The following SEC61B variants were observed in gnomAD, a reference collection of about 807,000 sequenced individuals.
SEC61B encodes SEC61 translocon subunit beta.
SEC61B carries 7 observed loss-of-function variants against 12.6 expected under a neutral mutation model. The observed-to-expected ratio is 0.55, with a 90% CI of 0.32 to 1.04. The LOEUF is 1.04. Ranked by LOEUF, SEC61B falls within the 50% of genes least tolerant of loss-of-function variation. The probability of loss-of-function intolerance (pLI) is 0.05; values close to 1 mark genes in which losing one functional copy is unlikely to be tolerated. For synonymous variants in SEC61B, 54 were observed against 50.1 expected (o/e 1.08, Z -0.33); for missense variants, 107 against 130.1 (o/e 0.82, Z 0.86).
intron 2 of SEC61B, chr9:99,222,978 T>C: frequency 4.5e-6 from 1 of 224,604 alleles, no homozygotes. Context: ...CAATCTGTCC[T>C]ACAGATAACT....
At position 99,227,918 on chromosome 9, in the gene SEC61B, A is replaced by G; in HGVS notation, c.121A>G (p.Thr41Ala). The part of the protein sequence containing the change: ...VRQRKNASCG[T>A]RSAGRTTSAG... ...TTTCAGGAAAAATGCCAGCTGTGGG[A>G]CAAGGAGTGCAGGCCGCACAACCTC... The change falls in exon 3 of 4, where the codon ACA becomes GCA. Residue 41 changes from threonine (T) to alanine (A), a missense_variant. Thr to Ala is a moderately conservative substitution (Grantham distance 58). Coordinates refer to ENST00000223641, the MANE Select transcript of SEC61B (RefSeq NM_006808.3). 1 of 1,614,102 alleles carries G rather than the reference A, an allele frequency of 6.2e-7. No individual in the cohort carries two copies. Among genetic ancestry groups the G allele is most frequent in the Non-Finnish European group, 8.5e-7 (1 of 1,179,996 alleles).
chr9:99,226,665 C>T (rs1417553669), intron 2 of SEC61B, among the ~76,000 whole-genome samples: 1 of 152,166 alleles, frequency 6.6e-6, no homozygotes. Flanking sequence ...ACCACTCCAA[C>T]ATGGGGCACG....
intron 3 of SEC61B, among the ~76,000 whole-genome samples, 174 bp from the exon 4 acceptor site, chr9:99,230,163 A>T (rs1318117703): frequency 6.6e-6 from 1 of 152,250 alleles, no homozygotes; most frequent in Non-Finnish European, 1.5e-5. Context: ...CACCTTCAAA[A>T]GTATCCACAA....
At chr9:99,227,719 G>A (rs1484040221) in intron 2 of SEC61B, among the ~76,000 whole-genome samples, 180 bp from the exon 3 acceptor site, 1 of 152,138 alleles carries the variant, frequency 6.6e-6, no homozygotes, top group East Asian at 1.9e-4. Flanking sequence ...GCATCAGGTA[G>A]GCACTTAGTT....
intron 2 of SEC61B, among the ~76,000 whole-genome samples, chr9:99,227,396 A>G (rs547583942): frequency 2.6e-5 from 4 of 152,260 alleles, no homozygotes; most frequent in Admixed American, 1.3e-4. Context: ...TTTGCAGTAA[A>G]TATACTAATT....
chr9:99,223,774 T>C (rs1362848881), intron 2 of SEC61B, among the ~76,000 whole-genome samples: 2 of 152,228 alleles, frequency 1.3e-5, no homozygotes, highest in Non-Finnish European at 2.9e-5. Context: ...ACTTTCTCCC[T>C]CATCTCAAGG....
At chr9:99,222,908 T>G (rs1828847821) in intron 2 of SEC61B, 2 of 381,924 alleles carry the variant, frequency 5.2e-6, no homozygotes, top group Non-Finnish European at 9.4e-6. Context: ...CCGATGTCAT[T>G]AAACTGGTGT....
At chr9:99,222,831 T>TA in intron 2 of SEC61B, 188 bp downstream of exon 2, 1 of 524,470 alleles carries the variant, frequency 1.9e-6, no homozygotes. Flanking sequence ...TTGCTCAGTT[T>TA]AGGGCACTAC....
intron 3 of SEC61B, among the ~76,000 whole-genome samples, chr9:99,228,849 G>A (rs1828928771): frequency 6.6e-6 from 1 of 152,178 alleles, no homozygotes; most frequent in African/African-American, 2.4e-5. Context: ...GTTCAAAGAG[G>A]CAAAGTGACA....
At chr9:99,223,671 C>T (rs573609406) in intron 2 of SEC61B, among the ~76,000 whole-genome samples, 2 of 152,322 alleles carry the variant, frequency 1.3e-5, no homozygotes, top group South Asian at 2.1e-4. Flanking sequence ...GAATTACAGG[C>T]GTGAGCCACT....
intron 2 of SEC61B, 200 bp downstream of exon 2, chr9:99,222,843 C>G (rs1243578188): frequency 8.2e-6 from 4 of 487,594 alleles, no homozygotes; most frequent in Admixed American, 3.9e-5. Flanking sequence ...GGGCACTACT[C>G]TTAAAAAAGG....
chr9:99,222,550 G>A lies in SEC61B; in HGVS notation c.8G>A (p.Gly3Asp), dbSNP rs549774457. The change falls in exon 2 of 4, where the codon GGT becomes GAT. Residue 3 changes from glycine to aspartate, a missense_variant. By Grantham distance (94) the Gly-to-Asp change is moderately conservative. Coordinates refer to ENST00000223641, the MANE Select transcript of SEC61B (RefSeq NM_006808.3). MP[G>D]PTPSGTNVGS... Reference sequence around the variant, plus strand: ...TCTGCTTGTCTCCCTCTACAGCCTGGTCCGACCCCCAGTGGCACTAACGTG... The same window carrying A: ...TCTGCTTGTCTCCCTCTACAGCCTGATCCGACCCCCAGTGGCACTAACGTG... The A allele has an allele frequency of 6.3e-7, 1 of 1,587,112 alleles. No homozygotes were observed. The highest frequency in any genetic ancestry group is 2.3e-5 in the East Asian group (1 of 43,294).
intron 2 of SEC61B, among the ~76,000 whole-genome samples, chr9:99,223,344 A>AC (rs1828857822): frequency 6.6e-6 from 1 of 150,676 alleles, no homozygotes; most frequent in Non-Finnish European, 1.5e-5. Context: ...AAAAAAAAAA[A>AC]CCGGGGGGAT....
At chr9:99,224,620 T>C (rs1233496549) in intron 2 of SEC61B, among the ~76,000 whole-genome samples, 1 of 152,224 alleles carries the variant, frequency 6.6e-6, no homozygotes, top group Non-Finnish European at 1.5e-5. Flanking sequence ...GACAGACAGA[T>C]GCAGTTTTTA....
chr9:99,223,765 C>T (rs1297681454), intron 2 of SEC61B, among the ~76,000 whole-genome samples: 3 of 152,198 alleles, frequency 2.0e-5, no homozygotes, highest in Non-Finnish European at 4.4e-5. Context: ...AATTCACAAA[C>T]TTTCTCCCTC....
At chr9:99,224,652 T>G (rs2119016612) in intron 2 of SEC61B, among the ~76,000 whole-genome samples, 1 of 152,338 alleles carries the variant, frequency 6.6e-6, no homozygotes, top group Middle Eastern at 3.4e-3. Context: ...GTTGGTGTCA[T>G]CTTTTAGGAT....
chr9:99,222,706 T>C lies in SEC61B; in HGVS notation c.101+63T>C, dbSNP rs994026602. 4.3e-6 allele frequency: 5 copies of C among 1,162,444 alleles called. No homozygotes were observed. In the Admixed American group the frequency reaches 8.1e-5, roughly 19 times the overall value. 72.0% of individuals were successfully genotyped at this position (1,162,444 alleles called of 1,614,324 possible). The stretch of plus-strand genomic sequence containing the variant: ...AGATAGGACCCAGAACCTCGCTGAT[T>C]CTGGGGTGGAGACCCTAGCATGTGA... On this transcript the variant is annotated intron_variant, in intron 2 of 3. Transcript: ENST00000223641.
chr9:99,222,796 G>A (rs1346230350), intron 2 of SEC61B, 153 bp downstream of exon 2: 5 of 576,676 alleles, frequency 8.7e-6, no homozygotes, highest in Middle Eastern at 2.7e-4. Flanking sequence ...GGCCTTTTGG[G>A]AGGAAGGCGA....
Position 99,222,297 on chromosome 9 carries a change from C to T in SEC61B, c.-67C>T, listed in dbSNP as rs186590435. 400 of 1,612,786 alleles carry T rather than the reference C, an allele frequency of 2.5e-4. No homozygotes were observed. Among genetic ancestry groups the T allele is most frequent in the Non-Finnish European group, 3.0e-4 (359 of 1,178,912 alleles). On this transcript the variant is annotated 5_prime_UTR_variant, in exon 1 of 4. Coordinates refer to ENST00000223641, the MANE Select transcript of SEC61B (RefSeq NM_006808.3). ...GGCCTGAGTCAGTCTCGCCAGCTGC[C>T]GGTCTTTCGGGGGCTCCGTAACTTT... is the stretch of plus-strand genomic sequence containing the variant.
Sources: allele counts gnomAD v4.1 joint callset (sites outside exome capture counted in the v4.1 genomes callset), GRCh38; gene constraint gnomAD v4.1.1; transcripts MANE v1.5; gene names NCBI Gene and HGNC (gene_info 2026-07-23, HGNC 2026-07-21).